OR1J2: variants seen among roughly 807,000 people sequenced by gnomAD.
The protein encoded by OR1J2 is olfactory receptor 1J2.
For missense variants in OR1J2, 304 were observed against 246.1 expected, an observed-to-expected ratio of 1.24 and a Z score of -1.57; for synonymous variants, 142 against 99.7, an observed-to-expected ratio of 1.42 and a Z score of -2.52.
the OR1J2 span, among the ~76,000 whole-genome samples, chr9:122,547,042 A>G: frequency 1.3e-5 from 2 of 152,142 alleles, no homozygotes; most frequent in Non-Finnish European, 2.9e-5. Context: ...GAACACTAGA[A>G]CTTATCCTGC....
At chr9:122,516,397 G>A (rs938736643), downstream of OR1J2, among the ~76,000 whole-genome samples, 1 of 138,458 alleles carries the variant, frequency 7.2e-6, no homozygotes, top group African/African-American at 2.7e-5. Flanking sequence ...TCCGCCTCCC[G>A]GGTTCACGCC....
chr9:122,530,609 A>G, the OR1J2 span, among the ~76,000 whole-genome samples: 2 of 152,190 alleles, frequency 1.3e-5, no homozygotes, highest in East Asian at 3.9e-4. Context: ...GGTATTTTTC[A>G]TGCACGTCTG....
chr9:122,530,038 CT>C, the OR1J2 span, among the ~76,000 whole-genome samples: 1 of 152,074 alleles, frequency 6.6e-6, no homozygotes. Flanking sequence ...TGGCAAACAG[CT>C]GGAAGCAGAA....
At chr9:122,509,009 C>G (rs1295744184), upstream of OR1J2, among the ~76,000 whole-genome samples, 1 of 152,196 alleles carries the variant, frequency 6.6e-6, no homozygotes, top group Admixed American at 6.5e-5. Flanking sequence ...AACAACATAA[C>G]ATCTTCGAAT....
At chr9:122,569,385 C>T in the OR1J2 span, among the ~76,000 whole-genome samples, 2 of 128,786 alleles carry the variant, frequency 1.6e-5, no homozygotes, top group African/African-American at 2.9e-5. Context: ...TTTTTCATCC[C>T]GATCCAGTTA....
chr9:122,506,834 C>T (rs141290268), upstream of OR1J2, among the ~76,000 whole-genome samples: 409 of 152,106 alleles, frequency 2.7e-3, 2 homozygotes, highest in Non-Finnish European at 4.1e-3. Context: ...AAAAGATGAA[C>T]GAAGAGAGAG....
the OR1J2 span, among the ~76,000 whole-genome samples, chr9:122,556,344 C>T: frequency 6.7e-6 from 1 of 149,954 alleles, no homozygotes; most frequent in Non-Finnish European, 1.5e-5. Flanking sequence ...AGACTGTTTT[C>T]TCCATTGCAT....
the OR1J2 span, among the ~76,000 whole-genome samples, chr9:122,571,367 C>T: frequency 2.6e-5 from 4 of 151,738 alleles, no homozygotes; most frequent in Admixed American, 6.6e-5. Flanking sequence ...CTGGCCAACA[C>T]GGTTAAATCC....
the OR1J2 span, chr9:122,475,612 A>T: frequency 5.9e-5 from 9 of 152,168 alleles, no homozygotes; most frequent in Non-Finnish European, 1.5e-5. Flanking sequence ...AAGTGTTACG[A>T]TATTGATTAT....
the OR1J2 span, among the ~76,000 whole-genome samples, chr9:122,529,079 C>T: frequency 1.3e-5 from 2 of 152,152 alleles, no homozygotes; most frequent in African/African-American, 2.4e-5. Flanking sequence ...AGAACTATTG[C>T]GTATGTATCT....
upstream of OR1J2, among the ~76,000 whole-genome samples, chr9:122,509,998 G>C (rs1167015986): frequency 6.6e-6 from 1 of 152,116 alleles, no homozygotes; most frequent in East Asian, 1.9e-4. Flanking sequence ...GCCTGTCGGG[G>C]GGTGCGGGAG....
At chr9:122,546,929 C>T in the OR1J2 span, among the ~76,000 whole-genome samples, 1 of 152,046 alleles carries the variant, frequency 6.6e-6, no homozygotes, top group Non-Finnish European at 1.5e-5. Context: ...TCATCTCGAA[C>T]ATTTATCATT....
chr9:122,477,834 G>A, the OR1J2 span: 1 of 1,614,012 alleles, frequency 6.2e-7, no homozygotes. Flanking sequence ...ACATGCCCAG[G>A]AACAGGGCGA....
chr9:122,481,756 A>G, the OR1J2 span, among the ~76,000 whole-genome samples: 2 of 152,196 alleles, frequency 1.3e-5, no homozygotes, highest in African/African-American at 2.4e-5. Context: ...AGATGGTTAA[A>G]TTGGGAAGGA....
At chr9:122,578,946 T>TA in the OR1J2 span, among the ~76,000 whole-genome samples, 16 of 146,566 alleles carry the variant, frequency 1.1e-4, no homozygotes, top group East Asian at 6.2e-4. Flanking sequence ...AACCTAAAAT[T>TA]AAAAAAAATT....
At chr9:122,467,979 C>T in the OR1J2 span, among the ~76,000 whole-genome samples, 2 of 152,248 alleles carry the variant, frequency 1.3e-5, no homozygotes, top group East Asian at 3.8e-4. Flanking sequence ...GGAAGGCCAA[C>T]AGTTCACCTG....
At chr9:122,556,364 T>A in the OR1J2 span, among the ~76,000 whole-genome samples, 2 of 152,190 alleles carry the variant, frequency 1.3e-5, no homozygotes, top group East Asian at 3.9e-4. Context: ...TTGTCTTTCA[T>A]CCTTTGTCAA....
chr9:122,499,521 G>C, the OR1J2 span, among the ~76,000 whole-genome samples: 1 of 152,104 alleles, frequency 6.6e-6, no homozygotes, highest in Non-Finnish European at 1.5e-5. Context: ...CTGCACAGGA[G>C]GGGTGGAGGC....
the OR1J2 span, chr9:122,519,995 G>C: frequency 6.2e-7 from 1 of 1,614,144 alleles, no homozygotes; most frequent in Non-Finnish European, 8.5e-7. Context: ...CCCCATTGCT[G>C]AATCCCTTCA....
Sources: allele counts gnomAD v4.1 joint callset (sites outside exome capture counted in the v4.1 genomes callset), GRCh38; gene constraint gnomAD v4.1.1; transcripts MANE v1.5; gene names NCBI Gene and HGNC (gene_info 2026-07-23, HGNC 2026-07-21).